The following ERCC1 variants were observed in gnomAD, a reference collection of about 807,000 sequenced individuals.
The protein encoded by ERCC1 is DNA excision repair protein ERCC-1.
In ERCC1, 36 loss-of-function variants were observed where a neutral mutation model predicts 37.6. The observed-to-expected ratio is 0.96, with a 90% CI of 0.73 to 1.26. ERCC1 has a LOEUF of 1.26. Among genes scored for constraint, ERCC1 ranks in the 50% most tolerant of loss-of-function variants. The pLI, the probability that ERCC1 is intolerant of heterozygous loss-of-function variation, is 0.00. For synonymous variants in ERCC1, 156 were observed against 162.1 expected (o/e 0.96, Z 0.28); for missense variants, 349 against 376.5 (o/e 0.93, Z 0.60).
intron 1 of ERCC1, among the ~76,000 whole-genome samples, chr19:45,435,567 A>G (rs971181189): frequency 1.3e-5 from 2 of 152,084 alleles, no homozygotes; most frequent in African/African-American, 4.8e-5. Flanking sequence ...GGCTCAAGCA[A>G]ACCTCCTACC....
chr19:45,433,193 C>G (rs1255801130), intron 1 of ERCC1, among the ~76,000 whole-genome samples: 1 of 152,058 alleles, frequency 6.6e-6, no homozygotes, highest in Admixed American at 6.6e-5. Context: ...AGTTTGAGAC[C>G]GGCCTGGGCA....
rs563274845 is a variant in ERCC1 at position 45,421,471 on chromosome 19, CCTTT to C, written c.106-82_106-79del. Reference sequence around the variant, plus strand: ...TCTGAGGCCCTGTGAGTTCCTCTCCCCTTTCTTTTTCTTTTTTTGAGACAGTCTT... The same window carrying C: ...TCTGAGGCCCTGTGAGTTCCTCTCCCCTTTTTCTTTTTTTGAGACAGTCTT... On this transcript the variant is annotated intron_variant, in intron 2 of 9. Transcript: ENST00000300853. The C allele has an allele frequency of 1.2e-3, 1,211 of 1,037,156 alleles. 10 individuals are homozygous for C. The African/African-American group carries it at 0.016, about 14-fold the overall frequency. The allele number at this position is 1,037,156 out of a possible 1,614,324, so 64.2% of individuals were successfully genotyped here. A position where few individuals can be genotyped will look rare whatever the true frequency, so the allele number is the denominator to read the frequency against.
At chr19:45,441,769 C>T (rs963861024) in intron 1 of ERCC1, among the ~76,000 whole-genome samples, 1 of 151,782 alleles carries the variant, frequency 6.6e-6, no homozygotes, top group Non-Finnish European at 1.5e-5. Context: ...CCTCTGCCTC[C>T]TGGGTTCAAG....
At position 45,413,981 on chromosome 19, in the gene ERCC1, G is replaced by A; in HGVS notation, c.756C>T (p.Thr252=). 6.2e-7 allele frequency: 1 copy of A among 1,613,856 alleles called. No homozygotes were observed. Among genetic ancestry groups the A allele is most frequent in the Non-Finnish European group, 8.5e-7 (1 of 1,179,926 alleles). Residue 252 remains threonine (T), a synonymous_variant, in exon 8 of 10, where the codon ACC becomes ACT. Coordinates refer to ENST00000300853, the MANE Select transcript of ERCC1 (RefSeq NM_001983.4). ...VKSVNKTDSQ[T]LLTTFGSLEQ... Reference sequence around the variant, plus strand: ...TCCTTACTCCAAATGTGGTCAGGAGGGTCTGACTGTCCGTTTTGTTGACTG... The same window carrying A: ...TCCTTACTCCAAATGTGGTCAGGAGAGTCTGACTGTCCGTTTTGTTGACTG...
chr19:45,416,776 A>G (rs1354609962), intron 6 of ERCC1, 45 bp downstream of exon 6: 1 of 1,475,586 alleles, frequency 6.8e-7, no homozygotes, highest in Non-Finnish European at 9.5e-7. Context: ...AGCAGGGACC[A>G]ATCCCAGGTG....
intron 1 of ERCC1, among the ~76,000 whole-genome samples, chr19:45,448,692 A>C (rs781695595): frequency 1.3e-5 from 2 of 152,136 alleles, no homozygotes; most frequent in Non-Finnish European, 2.9e-5. Context: ...TATTTAAAAA[A>C]AAGTTTTTAT....
chr19:45,407,537 C>T lies in ERCC1; in HGVS notation c.*2138G>A. 1 of 351,560 alleles carries T rather than the reference C, an allele frequency of 2.8e-6. No homozygotes were observed. Among genetic ancestry groups the T allele is most frequent in the Non-Finnish European group, 5.1e-6 (1 of 196,220 alleles). 21.8% of individuals were successfully genotyped at this position (351,560 alleles called of 1,614,324 possible). Reference sequence around the variant, plus strand: ...TTATCCACGACCATTAATCCTGCAACCTAAGCTTGCTCATTTATGTTATAT... The same window carrying T: ...TTATCCACGACCATTAATCCTGCAATCTAAGCTTGCTCATTTATGTTATAT... On this transcript the variant is annotated 3_prime_UTR_variant, in exon 10 of 10. Transcript: ENST00000300853.
At position 45,408,519 on chromosome 19, in the gene ERCC1, C is replaced by A; in HGVS notation, c.*1156G>T. 1 of 1,614,000 alleles carries A rather than the reference C, an allele frequency of 6.2e-7. No homozygotes were observed. Among genetic ancestry groups the A allele is most frequent in the Non-Finnish European group, 8.5e-7 (1 of 1,179,990 alleles). On this transcript the variant is annotated 3_prime_UTR_variant, in exon 10 of 10. Transcript: ENST00000300853. ...AAAAAGGAGATGCAGGTGACAGAGG[C>A]CCCAGTCACTCAGGAGGCAGTGAAT...
rs866393531 is a variant in ERCC1 at position 45,415,890 on chromosome 19, C to A, written c.603-930G>T. ...GTGGCTCATGCTTGTAATCCCAGCA[C>A]TTTGGGAGGCTGAGGCAGGAGGATC... On this transcript the variant is annotated intron_variant, in intron 6 of 9. Coordinates refer to ENST00000300853, the MANE Select transcript of ERCC1 (RefSeq NM_001983.4). The A allele has an allele frequency of 1.3e-4, 55 of 426,294 alleles. 1 individual carries two copies. In the Middle Eastern group the frequency reaches 4.9e-3, roughly 38 times the overall value. 26.4% of individuals were successfully genotyped at this position (426,294 alleles called of 1,614,324 possible). A position where few individuals can be genotyped will look rare whatever the true frequency, so the allele number is the denominator to read the frequency against.
At chr19:45,413,555 C>T (rs200820405) in intron 9 of ERCC1, 122 bp downstream of exon 9, 135 of 1,612,574 alleles carry the variant, frequency 8.4e-5, no homozygotes, top group Non-Finnish European at 1.0e-4. Context: ...GGATTACAGG[C>T]GGAAGCCACT....
In ERCC1 at chr19:45,409,890, T is replaced by TTAC. The variant is rs1973588312; in HGVS notation, c.844-166_844-165insGTA. 7.4e-5 allele frequency: 18 copies of TTAC among 241,786 alleles called. No individual in the cohort carries two copies. The South Asian group carries it at 3.1e-3, about 42-fold the overall frequency. The allele number at this position is 241,786 out of a possible 1,614,324, so 15.0% of individuals were successfully genotyped here. ...CAATCTTTTTAAGTTATTATTATTA[T>TTAC]TATTATTTTTTTTTTTTTTGAGATG... On this transcript the variant is annotated intron_variant, in intron 9 of 9. Coordinates refer to ENST00000300853, the MANE Select transcript of ERCC1 (RefSeq NM_001983.4).
At chr19:45,429,975 G>C (rs1244884746) in intron 1 of ERCC1, among the ~76,000 whole-genome samples, 1 of 152,126 alleles carries the variant, frequency 6.6e-6, no homozygotes, top group Admixed American at 6.6e-5. Flanking sequence ...GTAGAGATGG[G>C]GTTTCACCAT....
At chr19:45,412,106 G>A (rs557661299) in intron 9 of ERCC1, among the ~76,000 whole-genome samples, 6 of 151,822 alleles carry the variant, frequency 4.0e-5, no homozygotes, top group South Asian at 2.1e-4. Context: ...CGATCCACCC[G>A]CCTCGGCCTC....
chr19:45,420,518 C>T lies in ERCC1; in HGVS notation c.322-91G>A. The stretch of plus-strand genomic sequence containing the variant: ...CCACCTCTTCTTGCACCTCCTCCCT[C>T]CTCCCACCTCTTCCCACACCTCCTG... On this transcript the variant is annotated intron_variant, in intron 3 of 9. Transcript: ENST00000300853. The surrounding 1 kb of genome is among the most constrained non-coding windows in gnomAD (Gnocchi z 4.8). 1.3e-6 allele frequency: 1 copy of T among 786,624 alleles called. No individual in the cohort carries two copies. The highest frequency in any genetic ancestry group is 1.4e-5 in the South Asian group (1 of 69,900). The allele number at this position is 786,624 out of a possible 1,614,324, so 48.7% of individuals were successfully genotyped here.
chr19:45,447,270 C>CT lies in ERCC1; in HGVS notation c.-7-23890dup, dbSNP rs57063523. On this transcript the variant is annotated intron_variant, in intron 1 of 8. Coordinates refer to the ERCC1 transcript ENST00000423698. Reference sequence around the variant, plus strand: ...GTGTGCAGAAAACACAGATTTGCTTCTTTTTTTTTTTTTTTTTTTTTTGAG... The same window carrying CT: ...GTGTGCAGAAAACACAGATTTGCTTCTTTTTTTTTTTTTTTTTTTTTTTGAG... 5.2e-3 allele frequency among the ~76,000 whole-genome samples: 532 copies of CT among 102,690 alleles called. 7 individuals carry two copies. The highest frequency in any genetic ancestry group is 0.017 in the Admixed American group (161 of 9,608). 67.4% of individuals were successfully genotyped at this position (102,690 alleles called of 152,430 possible).
Position 45,408,278 on chromosome 19 carries a change from G to A in ERCC1, c.*1397C>T, listed in dbSNP as rs375294528. 1.9e-5 allele frequency: 30 copies of A among 1,613,906 alleles called. No homozygotes were observed. The highest frequency in any genetic ancestry group is 2.5e-5 in the Non-Finnish European group (29 of 1,179,960). On this transcript the variant is annotated 3_prime_UTR_variant, in exon 10 of 10. Coordinates refer to ENST00000300853, the MANE Select transcript of ERCC1 (RefSeq NM_001983.4). Reference sequence around the variant, plus strand: ...GGCCCCCTCAACGGAGGCAGGAGGTGGACTCACCTGTGCCTCAGCCCCCCA... The same window carrying A: ...GGCCCCCTCAACGGAGGCAGGAGGTAGACTCACCTGTGCCTCAGCCCCCCA...
chr19:45,414,075 G>A (rs1382566378), intron 7 of ERCC1, 41 bp from the exon 8 acceptor site: 3 of 1,552,518 alleles, frequency 1.9e-6, no homozygotes, highest in Non-Finnish European at 2.7e-6. Context: ...AAGAAGAAAG[G>A]CCAGCAAGAC....
chr19:45,423,434 C>G (rs1381735851), intron 1 of ERCC1, 53 bp from the exon 2 acceptor site: 1 of 1,554,554 alleles, frequency 6.4e-7, no homozygotes, highest in Non-Finnish European at 8.7e-7. Flanking sequence ...ACGTTCTCAT[C>G]CCGCAGCAGG....
At chr19:45,441,487 T>C (rs977262954) in intron 1 of ERCC1, among the ~76,000 whole-genome samples, 1 of 152,120 alleles carries the variant, frequency 6.6e-6, no homozygotes, top group African/African-American at 2.4e-5. Context: ...TTAAGTAACT[T>C]CTAAAATTTT....
Sources: gnomAD v4.1 joint callset for allele counts (sites outside exome capture counted in the v4.1 genomes callset) on GRCh38, gnomAD v4.1.1 for gene constraint, Gnocchi (gnomAD v3.1) non-coding constraint, MANE v1.5 for transcripts, NCBI Gene and HGNC (gene_info 2026-07-23, HGNC 2026-07-21) for gene names.